GDPD5: variants seen among roughly 807,000 people sequenced by gnomAD.
GDPD5 encodes the protein glycerophosphodiester phosphodiesterase domain containing 5, also known as glycerophosphodiester phosphodiesterase 2.
GDPD5 carries 48 observed loss-of-function variants against 75.1 expected under a neutral mutation model. That is an observed-to-expected ratio of 0.64 (90% confidence interval 0.51 to 0.81). The LOEUF (loss-of-function observed/expected upper bound fraction) is 0.81. Ranked by LOEUF, GDPD5 falls within the 40% of genes least tolerant of loss-of-function variation. The pLI is 0.00. For missense variants in GDPD5, 706 were observed against 822.6 expected, an observed-to-expected ratio of 0.86 and a Z score of 1.73; for synonymous variants, 336 against 339.0, an observed-to-expected ratio of 0.99 and a Z score of 0.10.
At chr11:75,482,323 T>C (rs1478039317) in intron 2 of GDPD5, among the ~76,000 whole-genome samples, 1 of 152,104 alleles carries the variant, frequency 6.6e-6, no homozygotes, top group African/African-American at 2.4e-5. Context: ...AACCTCTTCT[T>C]TCTCTTCTGT....
At chr11:75,502,382 G>C (rs1438055599) in intron 1 of GDPD5, among the ~76,000 whole-genome samples, 1 of 152,254 alleles carries the variant, frequency 6.6e-6, no homozygotes, top group African/African-American at 2.4e-5. Flanking sequence ...CACAGTGGCA[G>C]TCACATCCTA....
chr11:75,440,848 C>T (rs367963203), intron 14 of GDPD5, among the ~76,000 whole-genome samples: 3 of 152,206 alleles, frequency 2.0e-5, no homozygotes, highest in South Asian at 2.1e-4. Flanking sequence ...GTGAGCCCCA[C>T]GCCCGGTCAA....
intron 1 of GDPD5, among the ~76,000 whole-genome samples, chr11:75,499,938 C>T (rs1000712509): frequency 6.6e-6 from 1 of 152,218 alleles, no homozygotes; most frequent in African/African-American, 2.4e-5. Context: ...GCTAGTGGAG[C>T]TTCTGCCTCC....
At chr11:75,486,950 G>A (rs556238930) in intron 2 of GDPD5, among the ~76,000 whole-genome samples, 1 of 152,344 alleles carries the variant, frequency 6.6e-6, no homozygotes, top group South Asian at 2.1e-4. Flanking sequence ...TCCCAGGGCA[G>A]AGGGCATCCC....
At chr11:75,501,000 C>T (rs866419318) in intron 1 of GDPD5, among the ~76,000 whole-genome samples, 8 of 152,240 alleles carry the variant, frequency 5.3e-5, no homozygotes, top group South Asian at 2.1e-4. Flanking sequence ...TCAGCAGCCA[C>T]GCTAGTGTCC....
intron 6 of GDPD5, among the ~76,000 whole-genome samples, chr11:75,454,373 G>A (rs1455104004): frequency 6.6e-6 from 1 of 152,220 alleles, no homozygotes; most frequent in African/African-American, 2.4e-5. Context: ...ATGGGCAAGG[G>A]TGTTTTTATA....
chr11:75,510,983 TTGTC>T (rs1485579315), intron 1 of GDPD5, among the ~76,000 whole-genome samples: 2 of 152,240 alleles, frequency 1.3e-5, no homozygotes, highest in Admixed American at 6.5e-5. Context: ...TATTTAAGGC[TTGTC>T]TTTCTTTGAA....
At chr11:75,457,124 C>T (rs1949301362) in intron 5 of GDPD5, among the ~76,000 whole-genome samples, 2 of 152,330 alleles carry the variant, frequency 1.3e-5, no homozygotes, top group South Asian at 4.1e-4. Flanking sequence ...TTTGGGAGTT[C>T]CAGTCCCCGG....
chr11:75,522,860 C>A (rs199665822), intron 1 of GDPD5, among the ~76,000 whole-genome samples: 1 of 152,070 alleles, frequency 6.6e-6, no homozygotes, highest in African/African-American at 2.4e-5. Flanking sequence ...CAGCTCCAGG[C>A]ACCACAGCCC....
chr11:75,470,009 T>C (rs1949622307), intron 3 of GDPD5, among the ~76,000 whole-genome samples: 1 of 152,216 alleles, frequency 6.6e-6, no homozygotes, highest in African/African-American at 2.4e-5. Flanking sequence ...TCCTGGGAAT[T>C]GGTGTGGTGA....
chr11:75,491,098 A>G (rs537881824), intron 1 of GDPD5, among the ~76,000 whole-genome samples: 37 of 152,180 alleles, frequency 2.4e-4, no homozygotes, highest in African/African-American at 8.7e-4. Context: ...ACTCTCCCCA[A>G]CCCAACTGGA....
chr11:75,462,289 G>A (rs1949430978), intron 4 of GDPD5, among the ~76,000 whole-genome samples: 2 of 152,220 alleles, frequency 1.3e-5, no homozygotes, highest in African/African-American at 2.4e-5. Context: ...TTTGGCTCCT[G>A]TAAGCCTTTG....
intron 2 of GDPD5, among the ~76,000 whole-genome samples, chr11:75,486,726 G>A (rs1950027324): frequency 6.6e-6 from 1 of 152,124 alleles, no homozygotes; most frequent in South Asian, 2.1e-4. Flanking sequence ...CCTCCTCCAG[G>A]AAGCCCTTCC....
At chr11:75,474,412 A>T (rs1377285514) in intron 3 of GDPD5, among the ~76,000 whole-genome samples, 1 of 152,230 alleles carries the variant, frequency 6.6e-6, no homozygotes, top group Non-Finnish European at 1.5e-5. Flanking sequence ...GCAGTATTAG[A>T]GTAATGAGTC....
intron 2 of GDPD5, among the ~76,000 whole-genome samples, chr11:75,482,965 G>A (rs1300030015): frequency 2.0e-5 from 3 of 152,150 alleles, no homozygotes; most frequent in Non-Finnish European, 2.9e-5. Flanking sequence ...TCAGAGAAGT[G>A]CCCAGAAGTT....
chr11:75,517,491 A>G (rs1201862876), intron 1 of GDPD5: 1 of 151,946 alleles, frequency 6.6e-6, no homozygotes, highest in African/African-American at 2.4e-5. Context: ...AAAACAAAAA[A>G]ACTGCACACT....
intron 2 of GDPD5, 43 bp downstream of exon 2, chr11:75,490,194 G>C (rs1270850225): frequency 6.6e-6 from 1 of 152,206 alleles, no homozygotes; most frequent in Non-Finnish European, 1.5e-5. Context: ...GCCCTCTGCA[G>C]TCTGTCTTGA....
At position 75,485,973 on chromosome 11, in the gene GDPD5, G is replaced by A. The variant is rs571892672; in HGVS notation, c.-61+4264C>T. On this transcript the variant is annotated intron_variant, in intron 2 of 16. Transcript: ENST00000336898. ...CCTTGGCCGTGGCTGCCCTCGCGGGGCCTCAACCCCAGCCCAGCCCTGGGA... is the reference window on the plus strand; with the variant it reads ...CCTTGGCCGTGGCTGCCCTCGCGGGACCTCAACCCCAGCCCAGCCCTGGGA... Among the ~76,000 whole-genome samples, 43 of 152,242 alleles carry A rather than the reference G, an allele frequency of 2.8e-4. No homozygotes were observed. The South Asian group carries it at 8.9e-3, about 32-fold the overall frequency.
At chr11:75,473,092 C>T (rs1452548633) in intron 3 of GDPD5, among the ~76,000 whole-genome samples, 1 of 151,788 alleles carries the variant, frequency 6.6e-6, no homozygotes, top group African/African-American at 2.4e-5. Flanking sequence ...CGGAGAAGCT[C>T]AGGGTGGCTG....
Sources: allele counts gnomAD v4.1 joint callset (sites outside exome capture counted in the v4.1 genomes callset), GRCh38; gene constraint gnomAD v4.1.1; transcripts MANE v1.5; gene names NCBI Gene and HGNC (gene_info 2026-07-23, HGNC 2026-07-21).